The following THSD7A variants were observed in gnomAD, a reference collection of about 807,000 sequenced individuals.
THSD7A encodes thrombospondin type-1 domain-containing protein 7A.
A neutral mutation model predicts 231.3 loss-of-function variants in THSD7A; 96 were observed. The observed-to-expected ratio is 0.41, with a 90% confidence interval of 0.35 to 0.49. The LOEUF is 0.49. Ranked by LOEUF, THSD7A falls within the 20% of genes least tolerant of loss-of-function variation. THSD7A has a pLI of 0.05. For missense variants in THSD7A, 2,290 were observed against 2,070.2 expected (o/e 1.11, Z -2.06); for synonymous variants, 940 against 743.3 (o/e 1.26, Z -4.30).
intron 16 of THSD7A, among the ~76,000 whole-genome samples, chr7:11,421,366 C>T (rs1267728930): frequency 6.6e-6 from 1 of 152,104 alleles, no homozygotes; most frequent in Non-Finnish European, 1.5e-5. Flanking sequence ...CTCCTGCTGC[C>T]ATGTGAAGAT....
intron 9 of THSD7A, among the ~76,000 whole-genome samples, chr7:11,463,693 G>A (rs1327943558): frequency 6.6e-6 from 1 of 152,152 alleles, no homozygotes; most frequent in Non-Finnish European, 1.5e-5. Flanking sequence ...TTGGGCAGCA[G>A]AGAATTAAAG....
intron 1 of THSD7A, among the ~76,000 whole-genome samples, chr7:11,780,818 C>T (rs558304100): frequency 2.0e-5 from 3 of 151,436 alleles, no homozygotes; most frequent in South Asian, 2.1e-4. Flanking sequence ...GGTGAAACCC[C>T]GTCTCTACTA....
At chr7:11,639,232 T>G (rs963634298) in intron 1 of THSD7A, among the ~76,000 whole-genome samples, 1 of 152,216 alleles carries the variant, frequency 6.6e-6, no homozygotes, top group Non-Finnish European at 1.5e-5. Flanking sequence ...TAAAATTAAT[T>G]ATGAAATTAG....
chr7:11,508,648 T>C (rs1398075613), intron 6 of THSD7A, among the ~76,000 whole-genome samples: 1 of 152,244 alleles, frequency 6.6e-6, no homozygotes, highest in Non-Finnish European at 1.5e-5. Flanking sequence ...AGCACTACCA[T>C]GTTCATTGAA....
At chr7:11,811,660 T>C (rs1013882779) in intron 1 of THSD7A, among the ~76,000 whole-genome samples, 5 of 152,198 alleles carry the variant, frequency 3.3e-5, no homozygotes, top group Non-Finnish European at 7.3e-5. Context: ...AAGGATTTCA[T>C]TTGAATATAT....
intron 4 of THSD7A, among the ~76,000 whole-genome samples, chr7:11,586,262 C>G (rs1027494411): frequency 1.2e-4 from 19 of 152,056 alleles, no homozygotes; most frequent in African/African-American, 4.6e-4. Flanking sequence ...ATCTTGTTTT[C>G]CTGTGATTTA....
Position 11,561,083 on chromosome 7 carries a change from G to T in THSD7A, c.1454-17966C>A, listed in dbSNP as rs190477386. Among the ~76,000 whole-genome samples, 11 of 152,226 alleles carry T rather than the reference G, an allele frequency of 7.2e-5. No individual in the cohort carries two copies. The East Asian group carries it at 1.9e-3, about 27-fold the overall frequency. On this transcript the variant is annotated intron_variant, in intron 4 of 27. Coordinates refer to ENST00000423059, the MANE Select transcript of THSD7A (RefSeq NM_015204.3). ...TCAATTACATAGCTGAGAAAGTATA[G>T]ATTTCAGATTCACATCCAAGCAGTC...
intron 2 of THSD7A, among the ~76,000 whole-genome samples, chr7:11,601,782 A>G (rs1452298695): frequency 6.6e-6 from 1 of 152,194 alleles, no homozygotes; most frequent in Non-Finnish European, 1.5e-5. Flanking sequence ...CCCAAAATGT[A>G]AAACTACTCA....
intron 4 of THSD7A, among the ~76,000 whole-genome samples, chr7:11,568,378 A>C (rs1449134698): frequency 6.6e-6 from 1 of 152,016 alleles, no homozygotes; most frequent in Non-Finnish European, 1.5e-5. Flanking sequence ...AACTGGAACA[A>C]GACTCTGGAG....
chr7:11,742,042 C>A (rs1454145928), intron 1 of THSD7A, among the ~76,000 whole-genome samples: 1 of 151,890 alleles, frequency 6.6e-6, no homozygotes, highest in African/African-American at 2.4e-5. Context: ...CAAAGGCTTC[C>A]TAAATTCACA....
At chr7:11,518,820 T>C (rs138231421) in intron 6 of THSD7A, among the ~76,000 whole-genome samples, 226 of 152,282 alleles carry the variant, frequency 1.5e-3, no homozygotes, top group African/African-American at 5.1e-3. Flanking sequence ...AATTATCAAA[T>C]GTTATGGCAT....
At chr7:11,420,983 A>C (rs1784124860) in intron 16 of THSD7A, among the ~76,000 whole-genome samples, 1 of 152,154 alleles carries the variant, frequency 6.6e-6, no homozygotes, top group Admixed American at 6.5e-5. Flanking sequence ...GGAGAATTGT[A>C]TCTTGGAAGT....
chr7:11,424,981 C>T (rs1784272117), intron 15 of THSD7A, 152 bp from the exon 16 acceptor site: 1 of 959,230 alleles, frequency 1.0e-6, no homozygotes, highest in Non-Finnish European at 1.5e-6. Flanking sequence ...AGAGAGAACT[C>T]AAGAGTTCTA....
At chr7:11,500,194 T>C (rs1189970116) in intron 6 of THSD7A, among the ~76,000 whole-genome samples, 2 of 151,936 alleles carry the variant, frequency 1.3e-5, no homozygotes, top group Non-Finnish European at 2.9e-5. Context: ...GAAAAAAAAA[T>C]CTTCAACTAA....
intron 1 of THSD7A, among the ~76,000 whole-genome samples, chr7:11,712,093 T>C (rs933308308): frequency 6.6e-6 from 1 of 150,988 alleles, no homozygotes; most frequent in African/African-American, 2.4e-5. Context: ...CAAATATGAA[T>C]AGGAAAAAAC....
chr7:11,637,071 G>A lies in THSD7A; in HGVS notation c.191-110C>T. ...CCTAGTACATTAACTTCCCTGCGGT[G>A]TTACAAAGTAGGTCTCTGGACACGA... On this transcript the variant is annotated intron_variant, in intron 1 of 27. Coordinates refer to ENST00000423059, the MANE Select transcript of THSD7A (RefSeq NM_015204.3). The surrounding 1 kb of genome is among the most constrained non-coding windows in gnomAD (Gnocchi z 4.2). The A allele has an allele frequency of 1.0e-6, 1 of 997,770 alleles. No individual in the cohort carries two copies. The highest frequency in any genetic ancestry group is 2.5e-5 in the East Asian group (1 of 39,894). The allele number at this position is 997,770 out of a possible 1,614,324, so 61.8% of individuals were successfully genotyped here.
At chr7:11,804,777 G>C (rs1210609808) in intron 1 of THSD7A, among the ~76,000 whole-genome samples, 1 of 152,088 alleles carries the variant, frequency 6.6e-6, no homozygotes, top group South Asian at 2.1e-4. Flanking sequence ...TCCATTGTTT[G>C]CTTAATGAGT....
intron 4 of THSD7A, among the ~76,000 whole-genome samples, chr7:11,565,869 C>T (rs567550837): frequency 6.6e-6 from 1 of 152,296 alleles, no homozygotes; most frequent in East Asian, 1.9e-4. Flanking sequence ...TACAACGAAT[C>T]CACCTGTTCC....
At chr7:11,442,212 A>G (rs1784828544) in intron 13 of THSD7A, among the ~76,000 whole-genome samples, 1 of 152,024 alleles carries the variant, frequency 6.6e-6, no homozygotes, top group African/African-American at 2.4e-5. Context: ...TTGGCAATGC[A>G]GTTATATCAC....
Sources: allele counts gnomAD v4.1 joint callset (sites outside exome capture counted in the v4.1 genomes callset), GRCh38; gene constraint gnomAD v4.1.1; non-coding constraint Gnocchi (gnomAD v3.1); transcripts MANE v1.5; gene names NCBI Gene and HGNC (gene_info 2026-07-23, HGNC 2026-07-21).